The following SDHAF2 variants were observed in gnomAD, a reference collection of about 807,000 sequenced individuals.
SDHAF2 encodes succinate dehydrogenase assembly factor 2, mitochondrial.
Under a neutral mutation model 18.5 loss-of-function variants are expected in SDHAF2, and 21 were observed. The observed-to-expected ratio is 1.13, with a 90% CI of 0.80 to 1.63. SDHAF2 has a LOEUF of 1.63. Among genes scored for constraint, SDHAF2 ranks in the 40% most tolerant of loss-of-function variants. The pLI is 0.00. For missense variants in SDHAF2, 195 were observed against 200.3 expected, an observed-to-expected ratio of 0.97 and a Z score of 0.16; for synonymous variants, 84 against 70.7, an observed-to-expected ratio of 1.19 and a Z score of -0.94.
Position 61,438,959 on chromosome 11 carries a change from G to T in SDHAF2, c.370+846G>T, listed in dbSNP as rs1050523402. Among the ~76,000 whole-genome samples the T allele has an allele frequency of 4.6e-5, 7 of 152,156 alleles. No individual in the cohort carries two copies. The East Asian group carries it at 1.4e-3, about 29-fold the overall frequency. On this transcript the variant is annotated intron_variant, in intron 3 of 3. Coordinates refer to ENST00000301761, the MANE Select transcript of SDHAF2 (RefSeq NM_017841.4). Reference sequence around the variant, plus strand: ...CTTGGGAGGCTGAGGCAAGAGAATCGCTTGAGCCTGGGAGACAGAGATTGC... The same window carrying T: ...CTTGGGAGGCTGAGGCAAGAGAATCTCTTGAGCCTGGGAGACAGAGATTGC...
intron 3 of SDHAF2, among the ~76,000 whole-genome samples, chr11:61,445,330 C>T (rs1862125424): frequency 1.3e-5 from 2 of 152,162 alleles, no homozygotes; most frequent in African/African-American, 4.8e-5. Context: ...TGACTCAGTG[C>T]CTATGTTGCC....
rs549146031 is a variant in SDHAF2, at chr11:61,441,462, A to C, written c.370+3349A>C. Among the ~76,000 whole-genome samples, 18 of 151,386 alleles carry C rather than the reference A, an allele frequency of 1.2e-4. No homozygotes were observed. The East Asian group carries it at 3.1e-3, about 26-fold the overall frequency. On this transcript the variant is annotated intron_variant, in intron 3 of 3. Coordinates refer to ENST00000301761, the MANE Select transcript of SDHAF2 (RefSeq NM_017841.4). Reference sequence around the variant, plus strand: ...CTTAAACCAGGGAGTCGGAGGTTGCAGTAAGCCGAGATCATGCCACTATAC... The same window carrying C: ...CTTAAACCAGGGAGTCGGAGGTTGCCGTAAGCCGAGATCATGCCACTATAC...
intron 3 of SDHAF2, among the ~76,000 whole-genome samples, chr11:61,438,664 A>G (rs1862027426): frequency 6.6e-6 from 1 of 152,206 alleles, no homozygotes; most frequent in South Asian, 2.1e-4. Flanking sequence ...GGGTATATGA[A>G]GCTCACAGTA....
Position 61,430,186 on chromosome 11 carries a change from A to C in SDHAF2, c.36+4A>C. ...AGTGTTCTCGACTTCGTCGCTGGTGAGGAGAGAGAACGTTCTAGCGTCCGG... is the reference window on the plus strand; with the variant it reads ...AGTGTTCTCGACTTCGTCGCTGGTGCGGAGAGAGAACGTTCTAGCGTCCGG... On this transcript the variant is annotated splice_donor_region_variant and intron_variant, in intron 1 of 3. Coordinates refer to ENST00000301761, the MANE Select transcript of SDHAF2 (RefSeq NM_017841.4). The C allele has an allele frequency of 6.2e-7, 1 of 1,614,172 alleles. No individual in the cohort carries two copies.
chr11:61,436,830 C>A, intron 1 of SDHAF2: 1 of 1,248,648 alleles, frequency 8.0e-7, no homozygotes. Flanking sequence ...GTTTCCTACT[C>A]CACCATCTTC....
intron 1 of SDHAF2, chr11:61,435,976 G>A (rs1246796745): frequency 1.3e-5 from 2 of 152,268 alleles, no homozygotes; most frequent in Non-Finnish European, 2.9e-5. Flanking sequence ...TACAAAATCA[G>A]ACGGGCGTGG....
At chr11:61,430,788 G>T (rs1861875165) in intron 1 of SDHAF2, 1 of 151,668 alleles carries the variant, frequency 6.6e-6, no homozygotes, top group Non-Finnish European at 1.5e-5. Context: ...TTTTTTCCTA[G>T]CCTGCTGTTA....
intron 1 of SDHAF2, chr11:61,430,397 A>G: frequency 1.6e-6 from 1 of 632,454 alleles, no homozygotes; most frequent in Non-Finnish European, 2.8e-6. Context: ...TATCTGCTTA[A>G]ACGATCAGTC....
At chr11:61,434,910 T>C (rs1740455238) in intron 1 of SDHAF2, 1 of 152,090 alleles carries the variant, frequency 6.6e-6, no homozygotes, top group South Asian at 2.1e-4. Context: ...TTTTGTATTT[T>C]TAGTAGAGAC....
At chr11:61,437,051 G>T in intron 1 of SDHAF2, 1 of 1,170,912 alleles carries the variant, frequency 8.5e-7, no homozygotes, top group African/African-American at 1.6e-5. Flanking sequence ...TTTCTGGAAA[G>T]GCACTGGTTA....
chr11:61,437,759 G>T lies in SDHAF2; in HGVS notation c.171G>T (p.Glu57Asp), dbSNP rs767436409. 6.2e-7 allele frequency: 1 copy of T among 1,614,182 alleles called. No homozygotes were observed. Among genetic ancestry groups the T allele is most frequent in the Non-Finnish European group, 8.5e-7 (1 of 1,180,042 alleles). ...AAATCCCTTTGCCTCCATGGCAGGA[G>T]AGAACTGATGAATCCATAGAAACCA... ...MIEIPLPPWQ[E>D]RTDESIETKR... The change falls in exon 2 of 4, where the codon GAG (glutamate) becomes GAT (aspartate). Residue 57 changes from glutamate to aspartate, a missense_variant. Transcript: ENST00000301761.
At chr11:61,434,439 A>C (rs1861969065) in intron 1 of SDHAF2, 1 of 152,090 alleles carries the variant, frequency 6.6e-6, no homozygotes, top group Non-Finnish European at 1.5e-5. Flanking sequence ...AGCCTCCCAA[A>C]GTGCTGGGAT....
chr11:61,437,658 C>T lies in SDHAF2; in HGVS notation c.70C>T (p.Pro24Ser). 1.2e-6 allele frequency: 2 copies of T among 1,614,174 alleles called. No homozygotes were observed. The change falls in exon 2 of 4, where the codon CCT becomes TCT. Residue 24 changes from proline (P) to serine (S), a missense_variant. Transcript: ENST00000301761. ...TCTGTCAAGGCACAGCCTATTGTCTCCTTTGCTCAGTGTGACATCATTCAG... is the reference window on the plus strand; with the variant it reads ...TCTGTCAAGGCACAGCCTATTGTCTTCTTTGCTCAGTGTGACATCATTCAG... The part of the protein sequence containing the change: ...LALSRHSLLS[P>S]LLSVTSFRRF...
chr11:61,442,067 A>AT (rs1862073949), intron 3 of SDHAF2, among the ~76,000 whole-genome samples: 1 of 151,706 alleles, frequency 6.6e-6, no homozygotes, highest in African/African-American at 2.4e-5. Context: ...TTGTTGTTGT[A>AT]TTTTTTGTGG....
intron 1 of SDHAF2, chr11:61,436,789 C>T: frequency 2.2e-6 from 2 of 896,080 alleles, no homozygotes; most frequent in Non-Finnish European, 3.2e-6. Flanking sequence ...GCTGTTGGCT[C>T]AGTGTCTCCA....
At chr11:61,444,885 G>A (rs574189372) in intron 3 of SDHAF2, among the ~76,000 whole-genome samples, 6 of 152,140 alleles carry the variant, frequency 3.9e-5, no homozygotes, top group Non-Finnish European at 5.9e-5. Context: ...CTTAGGTTTC[G>A]TCTGTTGGGT....
Position 61,430,186 on chromosome 11 carries a change from A to T in SDHAF2, c.36+4A>T. On this transcript the variant is annotated splice_donor_region_variant and intron_variant, in intron 1 of 3. Coordinates refer to ENST00000301761, the MANE Select transcript of SDHAF2 (RefSeq NM_017841.4). Reference sequence around the variant, plus strand: ...AGTGTTCTCGACTTCGTCGCTGGTGAGGAGAGAGAACGTTCTAGCGTCCGG... The same window carrying T: ...AGTGTTCTCGACTTCGTCGCTGGTGTGGAGAGAGAACGTTCTAGCGTCCGG... The T allele has an allele frequency of 6.2e-7, 1 of 1,614,172 alleles. No individual in the cohort carries two copies. The highest frequency in any genetic ancestry group is 8.5e-7 in the Non-Finnish European group (1 of 1,180,028).
chr11:61,440,600 C>G (rs2134895757), intron 3 of SDHAF2, among the ~76,000 whole-genome samples: 1 of 151,850 alleles, frequency 6.6e-6, no homozygotes, highest in East Asian at 1.9e-4. Flanking sequence ...GACTCTGTCT[C>G]AAAAATAAAT....
intron 2 of SDHAF2, 22 bp from the exon 3 acceptor site, chr11:61,437,982 T>C: frequency 6.2e-7 from 1 of 1,609,628 alleles, no homozygotes; most frequent in South Asian, 1.1e-5. Context: ...CCTCTTTTTC[T>C]TTTTTTCTTT....
Sources: allele counts gnomAD v4.1 joint callset (sites outside exome capture counted in the v4.1 genomes callset), GRCh38; gene constraint gnomAD v4.1.1; transcripts MANE v1.5; gene names NCBI Gene and HGNC (gene_info 2026-07-23, HGNC 2026-07-21).